SPTBN5: variants seen among roughly 807,000 people sequenced by gnomAD.
SPTBN5 encodes the protein spectrin beta chain, non-erythrocytic 5.
SPTBN5 carries 513 observed loss-of-function variants against 477.6 expected under a neutral mutation model. The observed-to-expected ratio is 1.07, with a 90% CI of 1.00 to 1.16. The LOEUF (loss-of-function observed/expected upper bound fraction) is 1.16, where lower values mean the gene tolerates loss of function less well. SPTBN5 is among the 50% of genes most tolerant of loss of function. The probability of loss-of-function intolerance (pLI) is 0.00; values close to 1 mark genes in which losing one functional copy is unlikely to be tolerated. For synonymous variants in SPTBN5, 2,169 were observed against 2,011.7 expected (o/e 1.08, Z -2.09); for missense variants, 5,062 against 4,731.8 (o/e 1.07, Z -2.05).
intron 47 of SPTBN5, among the ~76,000 whole-genome samples, chr15:41,860,117 G>A (rs528466665): frequency 5.9e-5 from 9 of 152,220 alleles, no homozygotes; most frequent in African/African-American, 1.9e-4. Context: ...CTGCTAGCCT[G>A]CCTGTGGGGC....
chr15:41,873,649 A>T, intron 25 of SPTBN5, 41 bp from the exon 26 acceptor site: 1 of 1,512,616 alleles, frequency 6.6e-7, no homozygotes, highest in South Asian at 1.2e-5. Context: ...GATCTCAGAC[A>T]GGACCCTCCG....
chr15:41,876,580 T>C lies in SPTBN5; in HGVS notation c.3919A>G (p.Arg1307Gly). Residue 1307 changes from arginine to glycine, a missense_variant, in exon 20 of 68, where the codon AGG becomes GGG. Physicochemically the swap from Arg to Gly is moderately radical, Grantham distance 125. Coordinates refer to ENST00000320955, the MANE Select transcript of SPTBN5 (RefSeq NM_016642.4). Reference sequence around the variant, plus strand: ...TGGAGGGAAGCCAGCAACTGCCTCCTCCTCTGCTCACTCCTCCCCTGGAGC... The same window carrying C: ...TGGAGGGAAGCCAGCAACTGCCTCCCCCTCTGCTCACTCCTCCCCTGGAGC... Reference protein sequence around the residue: ...TRLQGRSEQRRRQLLASLQLQ... With the variant: ...TRLQGRSEQRGRQLLASLQLQ... 1 of 1,595,298 alleles carries C rather than the reference T, an allele frequency of 6.3e-7. No homozygotes were observed. The highest frequency in any genetic ancestry group is 8.5e-7 in the Non-Finnish European group (1 of 1,172,156).
intron 7 of SPTBN5, among the ~76,000 whole-genome samples, chr15:41,885,094 G>C (rs1176246411): frequency 6.6e-6 from 1 of 152,142 alleles, no homozygotes; most frequent in Non-Finnish European, 1.5e-5. Context: ...CGCCATCTCT[G>C]CTCACTGCAA....
chr15:41,855,801 T>C (rs1324507771), intron 53 of SPTBN5, 56 bp from the exon 54 acceptor site: 1 of 1,462,910 alleles, frequency 6.8e-7, no homozygotes, highest in Non-Finnish European at 9.1e-7. Context: ...GGGCTCAGGA[T>C]TTACAGCCAC....
intron 22 of SPTBN5, 40 bp downstream of exon 22, chr15:41,875,418 T>C (rs1175877689): frequency 6.3e-7 from 1 of 1,593,404 alleles, no homozygotes; most frequent in African/African-American, 1.3e-5. Context: ...CAGCCAGGCC[T>C]CCGTCTCCCT....
At chr15:41,851,009 A>C (rs1162462461) in intron 65 of SPTBN5, 50 bp downstream of exon 65, 2 of 1,595,048 alleles carry the variant, frequency 1.3e-6, no homozygotes, top group East Asian at 2.3e-5. Flanking sequence ...GCCCCCGCTG[A>C]GCCAGGTGGC....
At chr15:41,878,891 C>A (rs1295194439) in intron 16 of SPTBN5, among the ~76,000 whole-genome samples, 1 of 152,180 alleles carries the variant, frequency 6.6e-6, no homozygotes, top group Non-Finnish European at 1.5e-5. Flanking sequence ...AACGGTGAAA[C>A]CCCGTCTCTA....
At chr15:41,886,757 C>G (rs138838909) in intron 6 of SPTBN5, among the ~76,000 whole-genome samples, 45 of 152,326 alleles carry the variant, frequency 3.0e-4, no homozygotes, top group Admixed American at 3.3e-4. Context: ...AAATGAGATA[C>G]CCACCTTGAG....
chr15:41,849,427 A>G (rs942896565), intron 67 of SPTBN5, among the ~76,000 whole-genome samples: 1 of 152,152 alleles, frequency 6.6e-6, no homozygotes, highest in African/African-American at 2.4e-5. Flanking sequence ...GGTTGGAACA[A>G]GGGTGGGGCA....
intron 29 of SPTBN5, among the ~76,000 whole-genome samples, chr15:41,871,071 G>A (rs2140942627): frequency 6.6e-6 from 1 of 152,366 alleles, no homozygotes; most frequent in East Asian, 1.9e-4. Flanking sequence ...GCTGTCCCGA[G>A]TGAGCACAGG....
At chr15:41,883,314 G>T (rs779207589) in intron 8 of SPTBN5, 34 bp downstream of exon 8, 1 of 1,610,382 alleles carries the variant, frequency 6.2e-7, no homozygotes, top group African/African-American at 1.3e-5. Context: ...CCACCTTGCT[G>T]TGTTTCCCAA....
Position 41,862,625 on chromosome 15 carries a change from T to C in SPTBN5, c.7299A>G (p.Arg2433=). The part of the protein sequence containing the change: ...LEREVGRLCQ[R]SPEAAHGLRH... ...TGAGGCCGTGGGCTGCCTCGGGGCT[T>C]CTTTGGCAGAGGCGGCCCACTTCAC... Residue 2433 remains arginine, a synonymous_variant, in exon 43 of 68, where the codon AGA becomes AGG. Coordinates refer to ENST00000320955, the MANE Select transcript of SPTBN5 (RefSeq NM_016642.4). 1 of 1,557,732 alleles carries C rather than the reference T, an allele frequency of 6.4e-7. No individual in the cohort carries two copies. The highest frequency in any genetic ancestry group is 8.7e-7 in the Non-Finnish European group (1 of 1,153,086).
chr15:41,861,411 G>A lies in SPTBN5; in HGVS notation c.7815+8C>T. The A allele has an allele frequency of 1.2e-6, 2 of 1,611,446 alleles. No homozygotes were observed. Among genetic ancestry groups the A allele is most frequent in the Non-Finnish European group, 1.7e-6 (2 of 1,178,072 alleles). On this transcript the variant is annotated splice_region_variant and intron_variant, in intron 46 of 67. Transcript: ENST00000320955. Reference sequence around the variant, plus strand: ...CCCCCCTCCTGCCCATTCCTGCTGGGCACCTACCCATAGACCCTCACTGGC... The same window carrying A: ...CCCCCCTCCTGCCCATTCCTGCTGGACACCTACCCATAGACCCTCACTGGC...
Position 41,851,856 on chromosome 15 carries a change from A to T in SPTBN5, c.10585-6T>A. On this transcript the variant is annotated splice_region_variant and splice_polypyrimidine_tract_variant and intron_variant, in intron 62 of 67. Transcript: ENST00000320955. Reference sequence around the variant, plus strand: ...GTGGGGGTACCCTTTGCATCCTGAAAATGCAAGATGGGGCCCAGAAATGTC... The same window carrying T: ...GTGGGGGTACCCTTTGCATCCTGAATATGCAAGATGGGGCCCAGAAATGTC... The T allele has an allele frequency of 6.2e-7, 1 of 1,607,708 alleles. No homozygotes were observed. Among genetic ancestry groups the T allele is most frequent in the Non-Finnish European group, 8.5e-7 (1 of 1,177,612 alleles).
chr15:41,876,848 C>T lies in SPTBN5; in HGVS notation c.3812G>A (p.Gly1271Asp), dbSNP rs1032235090. The T allele has an allele frequency of 6.2e-7, 1 of 1,610,486 alleles. No individual in the cohort carries two copies. Among genetic ancestry groups the T allele is most frequent in the Non-Finnish European group, 8.5e-7 (1 of 1,179,830 alleles). ...GTGCTGGCTCTGAACCAGCTTCTCGCCGTGTGCCCGCAGAGCCTCTGCCCG... is the reference window on the plus strand; with the variant it reads ...GTGCTGGCTCTGAACCAGCTTCTCGTCGTGTGCCCGCAGAGCCTCTGCCCG... ...GPRAEALRAH[G>D]EKLVQSQHPA... The change falls in exon 19 of 68, where the codon GGC (glycine) becomes GAC (aspartate). Residue 1271 changes from glycine to aspartate, a missense_variant. By Grantham distance (94) the Gly-to-Asp change is moderately conservative (BLOSUM62 -1). Transcript: ENST00000320955.
At chr15:41,872,687 G>T (rs2066587854) in intron 26 of SPTBN5, among the ~76,000 whole-genome samples, 1 of 152,180 alleles carries the variant, frequency 6.6e-6, no homozygotes, top group Non-Finnish European at 1.5e-5. Flanking sequence ...GCCCACTGAG[G>T]GCTCATTATT....
At chr15:41,870,057 T>C (rs752856364) in intron 31 of SPTBN5, 37 bp from the exon 32 acceptor site, 5 of 1,458,252 alleles carry the variant, frequency 3.4e-6, no homozygotes, top group African/African-American at 1.4e-5. Context: ...GCAAGGGTCA[T>C]GTCCTCCTGA....
intron 4 of SPTBN5, among the ~76,000 whole-genome samples, chr15:41,889,083 C>CA (rs1256017957): frequency 2.0e-5 from 3 of 152,212 alleles, no homozygotes; most frequent in Admixed American, 1.3e-4. Context: ...GGAGGATGCC[C>CA]ACCTGCTGCT....
In SPTBN5 at chr15:41,865,901, C is replaced by T; in HGVS notation, c.6825G>A (p.Glu2275=). The change falls in exon 39 of 68, where the codon GAG becomes GAA. Residue 2275 remains glutamate (E), a splice_region_variant and synonymous_variant. Transcript: ENST00000320955. ...DLAEAWIQEK[E]VKMNVGDLGQ... The stretch of plus-strand genomic sequence containing the variant: ...CCAGGTCACCAACATTCATCTTCAC[C>T]TCCTGTGAAGGCCGAGGGTGGGGAG... 6.3e-7 allele frequency: 1 copy of T among 1,575,620 alleles called. No individual in the cohort carries two copies. The highest frequency in any genetic ancestry group is 8.6e-7 in the Non-Finnish European group (1 of 1,160,864).
Sources: allele counts gnomAD v4.1 joint callset (sites outside exome capture counted in the v4.1 genomes callset), GRCh38; gene constraint gnomAD v4.1.1; transcripts MANE v1.5; gene names NCBI Gene and HGNC (gene_info 2026-07-23, HGNC 2026-07-21).